Variants in RBFOX2 observed in about 807,000 individuals in gnomAD.
The protein encoded by RBFOX2 is RNA binding fox-1 homolog 2.
RBFOX2 carries 10 observed loss-of-function variants against 49.1 expected under a neutral mutation model. The ratio of observed to expected loss-of-function variants is 0.20; its 90% CI spans 0.13 to 0.35. The LOEUF (loss-of-function observed/expected upper bound fraction) is 0.35. Ranked by LOEUF, RBFOX2 falls within the 10% of genes least tolerant of loss-of-function variation. The pLI is 1.00. For missense variants in RBFOX2, 323 were observed against 486.9 expected, an observed-to-expected ratio of 0.66 and a Z score of 3.17; for synonymous variants, 183 against 187.4, an observed-to-expected ratio of 0.98 and a Z score of 0.19.
intron 8 of RBFOX2, 143 bp from the exon 10 acceptor site, chr22:35,760,163 A>C: frequency 9.4e-7 from 1 of 1,065,110 alleles, no homozygotes; most frequent in South Asian, 1.5e-5. Flanking sequence ...TGCATTCAAT[A>C]AACGTTCTAC....
At chr22:35,871,256 T>C (rs965507815) in intron 1 of RBFOX2, among the ~76,000 whole-genome samples, 1 of 152,152 alleles carries the variant, frequency 6.6e-6, no homozygotes, top group Non-Finnish European at 1.5e-5. Flanking sequence ...TCCCAAGTAA[T>C]GTGTACTCTA....
At chr22:35,968,761 C>T (rs1386249186) in intron 1 of RBFOX2, among the ~76,000 whole-genome samples, 1 of 152,144 alleles carries the variant, frequency 6.6e-6, no homozygotes, top group Non-Finnish European at 1.5e-5. Flanking sequence ...GGAAAACAGA[C>T]ATAGTCCTTC....
At chr22:35,948,474 A>T (rs1417861510) in intron 1 of RBFOX2, among the ~76,000 whole-genome samples, 1 of 152,130 alleles carries the variant, frequency 6.6e-6, no homozygotes, top group Non-Finnish European at 1.5e-5. Context: ...CAGGGTGGGA[A>T]GAGGTCGAGA....
intron 1 of RBFOX2, among the ~76,000 whole-genome samples, chr22:35,908,987 C>T (rs1353673318): frequency 6.6e-6 from 1 of 152,008 alleles, no homozygotes; most frequent in Admixed American, 6.6e-5. Context: ...GGACTACAGG[C>T]GCCCGCCACC....
At chr22:35,936,396 GTGTTTCAC>G (rs1208653076) in intron 1 of RBFOX2, among the ~76,000 whole-genome samples, 1 of 152,152 alleles carries the variant, frequency 6.6e-6, no homozygotes, top group East Asian at 1.9e-4. Context: ...TCAGCGACCA[GTGTTTCAC>G]GCTGATAAAT....
chr22:35,884,638 T>A (rs2046341248), intron 1 of RBFOX2, among the ~76,000 whole-genome samples: 3 of 152,124 alleles, frequency 2.0e-5, no homozygotes, highest in Admixed American at 2.0e-4. Flanking sequence ...AAAGCCACAG[T>A]CTCTTTGTAA....
intron 1 of RBFOX2, among the ~76,000 whole-genome samples, chr22:35,931,316 T>TAAA (rs75649440): frequency 0.039 from 5,329 of 135,206 alleles, 130 homozygotes; most frequent in Non-Finnish European, 0.058. Flanking sequence ...CATGTTTAGT[T>TAAA]AAAAAAAAAA....
At position 36,018,292 on chromosome 22, in the gene RBFOX2, T is replaced by C. The variant is rs763714325; in HGVS notation, c.186+9948A>G. On this transcript the variant is annotated intron_variant, in intron 1 of 13. Coordinates refer to the RBFOX2 transcript ENST00000438146. ...GAAGACAGCAGGAGTGTGGGAGACA[T>C]GGGAATAGTCACAAAAGGCATCCAG... Among the ~76,000 whole-genome samples, 8 of 152,090 alleles carry C rather than the reference T, an allele frequency of 5.3e-5. No homozygotes were observed. The East Asian group carries it at 1.3e-3, about 26-fold the overall frequency.
chr22:35,773,288 T>A (rs148851072), intron 4 of RBFOX2, among the ~76,000 whole-genome samples: 493 of 152,162 alleles, frequency 3.2e-3, no homozygotes, highest in Non-Finnish European at 5.4e-3. Flanking sequence ...ATTACTTGTG[T>A]CTAAGGAATG....
At chr22:35,780,694 A>G (rs1397681391) in intron 3 of RBFOX2, among the ~76,000 whole-genome samples, 1 of 152,236 alleles carries the variant, frequency 6.6e-6, no homozygotes, top group African/African-American at 2.4e-5. Context: ...ATTTCATTTA[A>G]TTTATAACAC....
intron 1 of RBFOX2, among the ~76,000 whole-genome samples, chr22:35,975,114 T>C (rs1364863255): frequency 2.6e-5 from 4 of 152,100 alleles, no homozygotes; most frequent in African/African-American, 9.7e-5. Context: ...AAACAAGAAA[T>C]ATAAAATACA....
chr22:35,984,637 T>C (rs181090946), intron 1 of RBFOX2, among the ~76,000 whole-genome samples: 1 of 152,264 alleles, frequency 6.6e-6, no homozygotes, highest in East Asian at 1.9e-4. Flanking sequence ...ATTTAGTTTC[T>C]CAATTTTTTT....
At chr22:35,899,505 C>CTAAGT (rs1374871554) in intron 1 of RBFOX2, among the ~76,000 whole-genome samples, 1 of 148,856 alleles carries the variant, frequency 6.7e-6, no homozygotes, top group East Asian at 2.0e-4. Context: ...CACAGGGAAG[C>CTAAGT]TAAGTTATCT....
intron 1 of RBFOX2, among the ~76,000 whole-genome samples, chr22:35,919,429 T>G (rs1321564558): frequency 6.6e-6 from 1 of 151,276 alleles, no homozygotes; most frequent in Non-Finnish European, 1.5e-5. Context: ...GCTACTTAGG[T>G]GGCTGAGGCA....
At chr22:35,985,434 C>T (rs1297280530) in intron 1 of RBFOX2, among the ~76,000 whole-genome samples, 2 of 152,076 alleles carry the variant, frequency 1.3e-5, no homozygotes, top group African/African-American at 2.4e-5. Flanking sequence ...CTGAAGCAAA[C>T]GGGTCATTCC....
chr22:36,028,502 G>C, exon 1 of RBFOX2: 28 of 1,062,484 alleles, frequency 2.6e-5, no homozygotes, highest in Non-Finnish European at 3.2e-5. Flanking sequence ...GGCCCCGACT[G>C]TCGCGACAGG....
At chr22:35,983,066 G>C (rs1416238779) in intron 1 of RBFOX2, among the ~76,000 whole-genome samples, 1 of 152,102 alleles carries the variant, frequency 6.6e-6, no homozygotes, top group Non-Finnish European at 1.5e-5. Context: ...AATCTCCCCA[G>C]TTCTCCTAAG....
intron 1 of RBFOX2, chr22:35,898,410 C>T: frequency 2.1e-6 from 1 of 477,590 alleles, no homozygotes; most frequent in Non-Finnish European, 3.8e-6. Flanking sequence ...GCCATCTTCT[C>T]CCACAATCCT....
intron 1 of RBFOX2, among the ~76,000 whole-genome samples, chr22:35,888,401 T>A (rs763652504): frequency 3.6e-4 from 55 of 152,338 alleles, no homozygotes; most frequent in Non-Finnish European, 5.9e-4. Flanking sequence ...TCCGTGTGCT[T>A]ACACCAACCT....
Sources: gnomAD v4.1 joint callset for allele counts (sites outside exome capture counted in the v4.1 genomes callset) on GRCh38, gnomAD v4.1.1 for gene constraint, MANE v1.5 for transcripts, NCBI Gene and HGNC (gene_info 2026-07-23, HGNC 2026-07-21) for gene names.